The following RABGAP1 variants were observed in gnomAD, a reference collection of about 807,000 sequenced individuals.
RABGAP1 encodes the protein RAB GTPase activating protein 1.
RABGAP1 carries 23 observed loss-of-function variants against 137.6 expected under a neutral mutation model. That is an observed-to-expected ratio of 0.17 (90% CI 0.12 to 0.24). The LOEUF (loss-of-function observed/expected upper bound fraction) is 0.24. RABGAP1 is among the 10% of genes least tolerant of loss of function. The pLI, the probability that RABGAP1 is intolerant of heterozygous loss-of-function variation, is 1.00. For synonymous variants in RABGAP1, 451 were observed against 450.7 expected, an observed-to-expected ratio of 1.00 and a Z score of -0.01; for missense variants, 906 against 1,275.8, an observed-to-expected ratio of 0.71 and a Z score of 4.42.
At chr9:123,047,622 C>A (rs2033263585) in intron 13 of RABGAP1, among the ~76,000 whole-genome samples, 1 of 151,900 alleles carries the variant, frequency 6.6e-6, no homozygotes, top group Admixed American at 6.6e-5. Context: ...TAAGATTCTT[C>A]CATAGAAAAA....
chr9:123,063,116 C>A (rs1169475721), intron 13 of RABGAP1: 2 of 152,208 alleles, frequency 1.3e-5, no homozygotes, highest in African/African-American at 4.8e-5. Flanking sequence ...ATAACTGTAT[C>A]CTTTTTCAGG....
At chr9:122,981,561 A>G (rs539618891) in intron 2 of RABGAP1, among the ~76,000 whole-genome samples, 9 of 152,292 alleles carry the variant, frequency 5.9e-5, no homozygotes, top group African/African-American at 2.2e-4. Context: ...CAGAAATTCA[A>G]ATTATTGAAT....
chr9:123,041,972 A>G (rs2032975132), intron 13 of RABGAP1, among the ~76,000 whole-genome samples: 1 of 152,154 alleles, frequency 6.6e-6, no homozygotes, highest in Admixed American at 6.5e-5. Flanking sequence ...TCCCCATCCC[A>G]AGCAGGCAAC....
chr9:123,013,968 G>T (rs1461984962), intron 11 of RABGAP1, among the ~76,000 whole-genome samples: 1 of 152,210 alleles, frequency 6.6e-6, no homozygotes, highest in African/African-American at 2.4e-5. Flanking sequence ...AACCCAGTTA[G>T]TGGAACTGTA....
At chr9:122,996,404 T>G in intron 7 of RABGAP1, 135 bp from the exon 8 acceptor site, 1 of 1,105,110 alleles carries the variant, frequency 9.0e-7, no homozygotes, top group Non-Finnish European at 1.3e-6. Flanking sequence ...ATTATTATTT[T>G]AGCAACACAA....
intron 2 of RABGAP1, among the ~76,000 whole-genome samples, chr9:122,977,216 A>G (rs928585122): frequency 2.0e-5 from 3 of 152,242 alleles, no homozygotes; most frequent in African/African-American, 4.8e-5. Context: ...CAGGCAAACT[A>G]CTAACTGCAG....
At chr9:122,944,554 TCTCA>T (rs1421912266) in intron 1 of RABGAP1, among the ~76,000 whole-genome samples, 5 of 150,918 alleles carry the variant, frequency 3.3e-5, no homozygotes, top group Admixed American at 1.3e-4. Context: ...TGAAACGGAG[TCTCA>T]CTCTGTCGCC....
intron 9 of RABGAP1, among the ~76,000 whole-genome samples, chr9:122,997,893 T>G (rs1229629785): frequency 6.6e-6 from 1 of 152,176 alleles, no homozygotes; most frequent in Non-Finnish European, 1.5e-5. Flanking sequence ...TTGAGCATTT[T>G]TCCCCCCTTC....
chr9:123,070,761 A>G lies in RABGAP1; in HGVS notation c.1983+337A>G, dbSNP rs1277748056. On this transcript the variant is annotated intron_variant, in intron 15 of 25. Transcript: ENST00000373647. The surrounding 1 kb of genome is among the most constrained non-coding windows in gnomAD (Gnocchi z 4.4). ...TTAATACTTGTTTTGAGATTTAGGT[A>G]TTGGGGTAGGAGGAAGGCGGAAAAG... Among the ~76,000 whole-genome samples, 2 of 152,142 alleles carry G rather than the reference A, an allele frequency of 1.3e-5. No individual in the cohort carries two copies. The highest frequency in any genetic ancestry group is 6.5e-5 in the Admixed American group (1 of 15,282).
intron 5 of RABGAP1, 186 bp from the exon 6 acceptor site, chr9:122,989,870 A>T: frequency 3.3e-6 from 2 of 609,858 alleles, no homozygotes; most frequent in South Asian, 5.6e-5. Context: ...TTTCTTTTTT[A>T]AAACCCCTTG....
At chr9:123,003,307 C>G (rs2029900189) in intron 10 of RABGAP1, among the ~76,000 whole-genome samples, 1 of 152,116 alleles carries the variant, frequency 6.6e-6, no homozygotes, top group Admixed American at 6.6e-5. Flanking sequence ...AGATATTTAG[C>G]AGTAGATTTT....
chr9:123,011,391 C>T (rs983601882), intron 11 of RABGAP1, among the ~76,000 whole-genome samples: 1 of 152,126 alleles, frequency 6.6e-6, no homozygotes, highest in African/African-American at 2.4e-5. Flanking sequence ...GTTGCATTAA[C>T]AAAAGCATGG....
At chr9:123,013,268 AT>A (rs986003000) in intron 11 of RABGAP1, among the ~76,000 whole-genome samples, 30 of 152,040 alleles carry the variant, frequency 2.0e-4, no homozygotes, top group African/African-American at 7.0e-4. Flanking sequence ...TACTTGAGAG[AT>A]TAGAAAGTAG....
At chr9:122,933,940 AAT>A in the RABGAP1 span, among the ~76,000 whole-genome samples, 65 of 151,060 alleles carry the variant, frequency 4.3e-4, no homozygotes, top group Non-Finnish European at 1.0e-4. Context: ...TTGAAAAAAA[AAT>A]TTTTTTGTAG....
intron 21 of RABGAP1, among the ~76,000 whole-genome samples, chr9:123,095,845 G>T (rs1306021413): frequency 6.6e-6 from 1 of 152,108 alleles, no homozygotes; most frequent in African/African-American, 2.4e-5. Context: ...TTAGTAGTAT[G>T]TAATTTAATT....
rs778813553 is a variant in RABGAP1 at position 123,073,691 on chromosome 9, C to T, written c.2109+14C>T. 3 of 1,613,456 alleles carry T rather than the reference C, an allele frequency of 1.9e-6. No individual in the cohort carries two copies. The highest frequency in any genetic ancestry group is 2.2e-5 in the East Asian group (1 of 44,868). On this transcript the variant is annotated intron_variant, in intron 16 of 25. Coordinates refer to ENST00000373647, the MANE Select transcript of RABGAP1 (RefSeq NM_012197.4). ...CGCCTCATGCAGGTAAAAAGAGAAA[C>T]CAGCTTGTGTTTGACAAAAAGAGTA...
intron 10 of RABGAP1, among the ~76,000 whole-genome samples, chr9:123,005,368 C>T (rs1455085896): frequency 6.6e-6 from 1 of 151,206 alleles, no homozygotes; most frequent in Non-Finnish European, 1.5e-5. Flanking sequence ...ACTCGGAAGT[C>T]CGCTTCCATT....
intron 13 of RABGAP1, chr9:123,020,900 C>T (rs1588282962): frequency 2.2e-6 from 2 of 909,368 alleles, no homozygotes; most frequent in East Asian, 2.4e-4. Context: ...GCTCATTCCT[C>T]TAAAGTGAAA....
At chr9:122,944,336 C>T (rs1343022912) in intron 1 of RABGAP1, among the ~76,000 whole-genome samples, 1 of 150,180 alleles carries the variant, frequency 6.7e-6, no homozygotes, top group Non-Finnish European at 1.5e-5. Context: ...CACCAGTGAT[C>T]CTCCTGCTTC....
Sources: allele counts gnomAD v4.1 joint callset (sites outside exome capture counted in the v4.1 genomes callset), GRCh38; gene constraint gnomAD v4.1.1; non-coding constraint Gnocchi (gnomAD v3.1); transcripts MANE v1.5; gene names NCBI Gene and HGNC (gene_info 2026-07-23, HGNC 2026-07-21).